The following PRKCH variants were observed in gnomAD, a reference collection of about 807,000 sequenced individuals.
The protein encoded by PRKCH is protein kinase C eta.
Under a neutral mutation model 82.5 loss-of-function variants are expected in PRKCH, and 28 were observed. The observed-to-expected ratio is 0.34, with a 90% CI of 0.25 to 0.47. The LOEUF (loss-of-function observed/expected upper bound fraction) is 0.47. Among genes scored for constraint, PRKCH ranks in the 20% least tolerant of loss-of-function variants. The probability of loss-of-function intolerance (pLI) is 1.00; values close to 1 mark genes in which losing one functional copy is unlikely to be tolerated. For missense variants in PRKCH, 705 were observed against 881.8 expected, an observed-to-expected ratio of 0.80 and a Z score of 2.54; for synonymous variants, 322 against 327.4, an observed-to-expected ratio of 0.98 and a Z score of 0.18.
intron 1 of PRKCH, among the ~76,000 whole-genome samples, chr14:61,232,945 A>T (rs2044756283): frequency 2.0e-5 from 3 of 152,202 alleles, no homozygotes; most frequent in African/African-American, 4.8e-5. Flanking sequence ...TTTAAAAGTT[A>T]TATGTGCCAG....
chr14:61,343,351 C>CAA lies in PRKCH; in HGVS notation c.363+20910_363+20911dup, dbSNP rs57154047. The stretch of plus-strand genomic sequence containing the variant: ...TTAGAGAAATAATGACCAGTTCCCT[C>CAA]AAAAAAAAAAAAAAAAAAAAAAAAG... On this transcript the variant is annotated intron_variant, in intron 1 of 13. Transcript: ENST00000332981. 7.4e-3 allele frequency among the ~76,000 whole-genome samples: 643 copies of CAA among 87,188 alleles called. 2 individuals are homozygous for CAA. Among genetic ancestry groups the CAA allele is most frequent in the African/African-American group, 0.022 (483 of 22,440 alleles). The allele number at this position is 87,188 out of a possible 152,430, so 57.2% of individuals were successfully genotyped here. A position where few individuals can be genotyped will look rare whatever the true frequency, so the allele number is the denominator to read the frequency against.
intron 1 of PRKCH, among the ~76,000 whole-genome samples, chr14:61,252,727 T>G (rs2044957075): frequency 6.6e-6 from 1 of 152,242 alleles, no homozygotes; most frequent in Non-Finnish European, 1.5e-5. Flanking sequence ...ATTCAAAATT[T>G]GAGAAGTTTA....
chr14:61,321,199 A>T (rs551998962), upstream of PRKCH, among the ~76,000 whole-genome samples: 75 of 152,304 alleles, frequency 4.9e-4, no homozygotes, highest in African/African-American at 1.4e-3. The surrounding 1 kb of genome is among the most constrained non-coding windows in gnomAD (Gnocchi z 4.1). Context: ...CCTCTTGGGG[A>T]TGGCCCTGCA....
At position 61,337,845 on chromosome 14, in the gene PRKCH, A is replaced by G. The variant is rs561959591; in HGVS notation, c.363+15381A>G. ...AAGGTTTCTGAACTGTATATATACA[A>G]TATTTCAGAACAGTAATTTCCTTTG... On this transcript the variant is annotated intron_variant, in intron 1 of 13. Transcript: ENST00000332981. 3.5e-3 allele frequency among the ~76,000 whole-genome samples: 535 copies of G among 152,362 alleles called. 2 individuals carry two copies. The highest frequency in any genetic ancestry group is 0.017 in the Middle Eastern group (5 of 294).
At chr14:61,215,518 C>A (rs555594358) in intron 1 of PRKCH, among the ~76,000 whole-genome samples, 2 of 152,110 alleles carry the variant, frequency 1.3e-5, no homozygotes, top group African/African-American at 2.4e-5. Flanking sequence ...TAAAATAAAT[C>A]TCTCTCTCTC....
At chr14:61,230,129 C>G (rs2044730000) in intron 1 of PRKCH, among the ~76,000 whole-genome samples, 1 of 152,116 alleles carries the variant, frequency 6.6e-6, no homozygotes, top group Non-Finnish European at 1.5e-5. Flanking sequence ...CCAAAGCAAG[C>G]CTAGAGTGCA....
At chr14:61,500,322 C>G (rs1374514913) in intron 10 of PRKCH, among the ~76,000 whole-genome samples, 1 of 151,808 alleles carries the variant, frequency 6.6e-6, no homozygotes, top group Non-Finnish European at 1.5e-5. Context: ...CTCAGCCTCC[C>G]AAGTATCTGG....
At chr14:61,319,671 G>A (rs2045591949), upstream of PRKCH, among the ~76,000 whole-genome samples, 1 of 152,188 alleles carries the variant, frequency 6.6e-6, no homozygotes, top group Non-Finnish European at 1.5e-5. Flanking sequence ...GGCTCTTAAA[G>A]CTAGAGTTCA....
intron 2 of PRKCH, among the ~76,000 whole-genome samples, chr14:61,393,507 T>C (rs2046719534): frequency 1.3e-5 from 2 of 152,212 alleles, no homozygotes; most frequent in Admixed American, 1.3e-4. Context: ...GCCCATTAAT[T>C]TTATGTCACT....
intron 1 of PRKCH, chr14:61,305,579 T>C (rs1320831116): frequency 6.6e-6 from 1 of 152,226 alleles, no homozygotes; most frequent in East Asian, 1.9e-4. Context: ...ATAATTTCTA[T>C]TGCTCTCTGT....
intron 1 of PRKCH, among the ~76,000 whole-genome samples, chr14:61,217,379 T>C (rs994594468): frequency 6.6e-6 from 1 of 151,524 alleles, no homozygotes; most frequent in African/African-American, 2.4e-5. Context: ...GCCACTACAC[T>C]CCAGCCTAGG....
At chr14:61,387,456 C>T (rs1354511383) in intron 1 of PRKCH, among the ~76,000 whole-genome samples, 1 of 152,166 alleles carries the variant, frequency 6.6e-6, no homozygotes, top group Non-Finnish European at 1.5e-5. Flanking sequence ...AGACAGTGTC[C>T]ACTGGAGCTG....
intron 12 of PRKCH, among the ~76,000 whole-genome samples, chr14:61,542,446 C>A (rs2043200586): frequency 6.6e-6 from 1 of 151,702 alleles, no homozygotes; most frequent in African/African-American, 2.4e-5. Context: ...GAGGCTGAGG[C>A]AGGAGGATCA....
At chr14:61,456,737 A>G (rs1884781510) in intron 7 of PRKCH, 1 of 154,108 alleles carries the variant, frequency 6.5e-6, no homozygotes, top group Non-Finnish European at 1.4e-5. Context: ...TATTGATTAA[A>G]AAACGTTGCT....
chr14:61,264,692 G>A (rs557088218), intron 1 of PRKCH, among the ~76,000 whole-genome samples: 62 of 152,314 alleles, frequency 4.1e-4, no homozygotes, highest in African/African-American at 1.4e-3. Flanking sequence ...AACACAGGCA[G>A]AAGAAATTGG....
At chr14:61,522,516 T>C (rs1156370344) in intron 10 of PRKCH, among the ~76,000 whole-genome samples, 1 of 152,156 alleles carries the variant, frequency 6.6e-6, no homozygotes, top group African/African-American at 2.4e-5. Flanking sequence ...TCACCTCTGT[T>C]CCTTCCTTCT....
At chr14:61,476,416 C>G (rs1441599718) in intron 9 of PRKCH, 1 of 152,210 alleles carries the variant, frequency 6.6e-6, no homozygotes, top group African/African-American at 2.4e-5. Context: ...GTATGTGGAC[C>G]AGAAATGCCA....
At chr14:61,335,587 C>G (rs1594923499) in intron 1 of PRKCH, among the ~76,000 whole-genome samples, 1 of 152,000 alleles carries the variant, frequency 6.6e-6, no homozygotes, top group Admixed American at 6.5e-5. Context: ...AAAACCACAA[C>G]CCCCCCATCT....
At chr14:61,419,232 G>A (rs1882710975) in intron 2 of PRKCH, among the ~76,000 whole-genome samples, 1 of 152,220 alleles carries the variant, frequency 6.6e-6, no homozygotes, top group African/African-American at 2.4e-5. Context: ...ACACAAAAGA[G>A]TATCACTTTG....
Sources: allele counts gnomAD v4.1 joint callset (sites outside exome capture counted in the v4.1 genomes callset), GRCh38; gene constraint gnomAD v4.1.1; non-coding constraint Gnocchi (gnomAD v3.1); transcripts MANE v1.5; gene names NCBI Gene and HGNC (gene_info 2026-07-23, HGNC 2026-07-21).